SNX4: variants seen among roughly 807,000 people sequenced by gnomAD.
SNX4 encodes sorting nexin 4.
Under a neutral mutation model 70.8 loss-of-function variants are expected in SNX4, and 49 were observed. The observed-to-expected ratio is 0.69, with a 90% CI of 0.55 to 0.88. The LOEUF (loss-of-function observed/expected upper bound fraction) is 0.88. Ranked by LOEUF, SNX4 falls within the 40% of genes least tolerant of loss-of-function variation. The pLI, the probability that SNX4 is intolerant of heterozygous loss-of-function variation, is 0.00. For missense variants in SNX4, 528 were observed against 544.8 expected (o/e 0.97, Z 0.31); for synonymous variants, 206 against 183.8 (o/e 1.12, Z -0.98).
At chr3:125,519,372 A>C (rs1237614366) in intron 1 of SNX4, among the ~76,000 whole-genome samples, 1 of 152,186 alleles carries the variant, frequency 6.6e-6, no homozygotes, top group Non-Finnish European at 1.5e-5. Flanking sequence ...ATGGGTTATC[A>C]ATAAGTCTCC....
intron 10 of SNX4, among the ~76,000 whole-genome samples, chr3:125,458,107 T>C (rs1164743974): frequency 6.6e-6 from 1 of 151,754 alleles, no homozygotes; most frequent in East Asian, 1.9e-4. Flanking sequence ...AGCAACTGAG[T>C]ATTCTTAGAA....
chr3:125,519,744 T>A (rs532621547), intron 1 of SNX4, among the ~76,000 whole-genome samples: 1 of 151,630 alleles, frequency 6.6e-6, no homozygotes, highest in East Asian at 2.0e-4. Flanking sequence ...CCCCCACGCC[T>A]GCGGGGGCGC....
chr3:125,455,811 A>C (rs1933699716), intron 11 of SNX4, among the ~76,000 whole-genome samples: 1 of 152,116 alleles, frequency 6.6e-6, no homozygotes, highest in Non-Finnish European at 1.5e-5. Flanking sequence ...CAGGAGATTC[A>C]GACCATCTTG....
intron 6 of SNX4, among the ~76,000 whole-genome samples, chr3:125,482,549 T>G (rs9864395): frequency 0.17 from 25,116 of 151,634 alleles, 2,256 homozygotes; most frequent in African/African-American, 0.23. Flanking sequence ...CCTAGCCCAC[T>G]CCCACACTCC....
At chr3:125,500,936 A>C (rs1200583681) in intron 2 of SNX4, among the ~76,000 whole-genome samples, 3 of 151,532 alleles carry the variant, frequency 2.0e-5, no homozygotes, top group Non-Finnish European at 2.9e-5. Context: ...CGACAATTGG[A>C]CTACAGACAG....
intron 5 of SNX4, among the ~76,000 whole-genome samples, chr3:125,495,277 T>TATATACACACAC: frequency 1.0e-5 from 1 of 99,618 alleles, no homozygotes; most frequent in Admixed American, 1.2e-4. Context: ...TATATATATA[T>TATATACACACAC]ACACATACAC....
intron 10 of SNX4, among the ~76,000 whole-genome samples, chr3:125,458,398 GGCTCAA>G (rs1337824500): frequency 6.6e-6 from 1 of 152,038 alleles, no homozygotes; most frequent in Admixed American, 6.6e-5. Context: ...CAAACTCATG[GGCTCAA>G]GCAATCCATC....
chr3:125,503,565 A>G (rs1257424885), intron 2 of SNX4, among the ~76,000 whole-genome samples: 4 of 152,026 alleles, frequency 2.6e-5, no homozygotes, highest in Non-Finnish European at 5.9e-5. Context: ...TAAAGCACCA[A>G]TCTCAATGTT....
intron 7 of SNX4, among the ~76,000 whole-genome samples, chr3:125,477,602 C>T (rs985240707): frequency 2.6e-5 from 4 of 152,190 alleles, no homozygotes; most frequent in African/African-American, 7.2e-5. Flanking sequence ...CTTACTCAAA[C>T]ATGAGTATGA....
intron 5 of SNX4, among the ~76,000 whole-genome samples, chr3:125,495,635 T>C (rs1246375885): frequency 6.6e-6 from 1 of 152,116 alleles, no homozygotes; most frequent in Non-Finnish European, 1.5e-5. Context: ...TTCAAGGCAC[T>C]GGTAAATAGC....
chr3:125,495,064 T>G (rs971132945), intron 5 of SNX4, among the ~76,000 whole-genome samples: 2 of 151,564 alleles, frequency 1.3e-5, no homozygotes, highest in African/African-American at 4.8e-5. Context: ...ATAATAAAAT[T>G]AATGGGTCTG....
At chr3:125,499,876 T>C (rs1464059678) in intron 2 of SNX4, among the ~76,000 whole-genome samples, 2 of 151,220 alleles carry the variant, frequency 1.3e-5, no homozygotes, top group Non-Finnish European at 2.9e-5. Flanking sequence ...CTGGCGAACA[T>C]GGTGAAACCC....
chr3:125,475,904 A>G (rs1434542410), intron 8 of SNX4, among the ~76,000 whole-genome samples: 6 of 149,886 alleles, frequency 4.0e-5, no homozygotes, highest in African/African-American at 1.5e-4. Context: ...CTAGAGCCTG[A>G]GAGGCAGAGG....
intron 5 of SNX4, among the ~76,000 whole-genome samples, chr3:125,494,176 A>G (rs13315135): frequency 0.32 from 49,266 of 152,062 alleles, 8,228 homozygotes; most frequent in Admixed American, 0.44. Flanking sequence ...TTCTTATAAG[A>G]TATGACTATT....
chr3:125,457,567 ATAT>A, intron 10 of SNX4, among the ~76,000 whole-genome samples: 1 of 134,822 alleles, frequency 7.4e-6, no homozygotes, highest in South Asian at 2.4e-4. Context: ...AAAACTTCAT[ATAT>A]TCTTTTTTTT....
intron 6 of SNX4, among the ~76,000 whole-genome samples, chr3:125,483,851 A>C (rs1241391468): frequency 5.9e-5 from 9 of 152,266 alleles, no homozygotes; most frequent in Non-Finnish European, 1.3e-4. Context: ...AATTTTCTGA[A>C]AACGAGGGTA....
chr3:125,469,748 A>G (rs994913093), intron 8 of SNX4, among the ~76,000 whole-genome samples: 1 of 152,220 alleles, frequency 6.6e-6, no homozygotes. Flanking sequence ...GAAGGTAAGT[A>G]TCATACTCAA....
chr3:125,479,534 G>C (rs1233537944), intron 7 of SNX4, among the ~76,000 whole-genome samples: 3 of 151,630 alleles, frequency 2.0e-5, no homozygotes, highest in Admixed American at 6.6e-5. Context: ...CAGCCTGGGT[G>C]ACAGAGCGAG....
intron 5 of SNX4, among the ~76,000 whole-genome samples, chr3:125,496,404 G>A (rs1045423436): frequency 1.3e-5 from 2 of 152,080 alleles, no homozygotes; most frequent in Non-Finnish European, 2.9e-5. Flanking sequence ...TCTGTTTTGT[G>A]CCAAATTTCA....
Sources: gnomAD v4.1 joint callset for allele counts (sites outside exome capture counted in the v4.1 genomes callset) on GRCh38, gnomAD v4.1.1 for gene constraint, MANE v1.5 for transcripts, NCBI Gene and HGNC (gene_info 2026-07-23, HGNC 2026-07-21) for gene names.